Variants in EFL1 observed in about 807,000 individuals in gnomAD.
EFL1 encodes the protein elongation factor like GTPase 1.
EFL1 carries 76 observed loss-of-function variants against 126.7 expected under a neutral mutation model. The ratio of observed to expected loss-of-function variants is 0.60; its 90% confidence interval spans 0.50 to 0.73. The LOEUF (loss-of-function observed/expected upper bound fraction) is 0.73. EFL1 is among the 30% of genes least tolerant of loss of function. The pLI is 0.00. For synonymous variants in EFL1, 410 were observed against 448.4 expected (o/e 0.91, Z 1.08); for missense variants, 1,128 against 1,343.2 (o/e 0.84, Z 2.50).
intron 15 of EFL1, among the ~76,000 whole-genome samples, chr15:82,196,126 G>A (rs954596391): frequency 6.6e-6 from 1 of 152,168 alleles, no homozygotes; most frequent in Non-Finnish European, 1.5e-5. Context: ...GCATAGGGAG[G>A]TCAGAAGAAG....
chr15:82,191,553 T>A (rs552736086), intron 15 of EFL1, among the ~76,000 whole-genome samples: 2 of 151,248 alleles, frequency 1.3e-5, no homozygotes, highest in South Asian at 4.2e-4. Flanking sequence ...CCAAACTCAT[T>A]CATTTCAGTG....
chr15:82,209,316 GACACACAC>G (rs57128885), intron 15 of EFL1, among the ~76,000 whole-genome samples: 43 of 146,340 alleles, frequency 2.9e-4, no homozygotes, highest in African/African-American at 7.1e-4. Context: ...CACAGACACA[GACACACAC>G]ACACACACAC....
intron 4 of EFL1, among the ~76,000 whole-genome samples, chr15:82,250,722 T>C (rs1337844365): frequency 6.6e-6 from 1 of 152,134 alleles, no homozygotes; most frequent in African/African-American, 2.4e-5. Flanking sequence ...CATAAACTTT[T>C]ACTGATACGG....
At chr15:82,161,246 A>G (rs1567045484) in intron 16 of EFL1, among the ~76,000 whole-genome samples, 1 of 152,212 alleles carries the variant, frequency 6.6e-6, no homozygotes, top group Non-Finnish European at 1.5e-5. Context: ...GAATGTGTCC[A>G]GTGCCTCTCA....
chr15:82,188,036 A>C (rs938946483), intron 15 of EFL1, among the ~76,000 whole-genome samples: 1 of 152,148 alleles, frequency 6.6e-6, no homozygotes, highest in Non-Finnish European at 1.5e-5. Context: ...TTTAGTTCCA[A>C]TTGAATTTTT....
At chr15:82,210,146 G>T (rs371846826) in intron 15 of EFL1, among the ~76,000 whole-genome samples, 13 of 152,204 alleles carry the variant, frequency 8.5e-5, no homozygotes, top group Non-Finnish European at 1.5e-5. Context: ...GTCCTGTCAT[G>T]AGTCTGTTAA....
At chr15:82,196,356 T>G (rs1397358500) in intron 15 of EFL1, among the ~76,000 whole-genome samples, 1 of 152,140 alleles carries the variant, frequency 6.6e-6, no homozygotes, top group Non-Finnish European at 1.5e-5. Context: ...AGATTATTTA[T>G]AGGAGAAAGG....
chr15:82,254,281 T>C (rs577088989), intron 3 of EFL1, among the ~76,000 whole-genome samples: 1 of 152,306 alleles, frequency 6.6e-6, no homozygotes, highest in African/African-American at 2.4e-5. Flanking sequence ...CATCTCTCCT[T>C]AGATCCCACT....
Position 82,144,188 on chromosome 15 carries a change from G to A in EFL1, c.2990-5346C>T, listed in dbSNP as rs950216086. On this transcript the variant is annotated intron_variant, in intron 18 of 19. Coordinates refer to ENST00000268206, the MANE Select transcript of EFL1 (RefSeq NM_024580.6). ...GAGCGCTTTGAGCCTAGGAGGTTGA[G>A]GCTGTGGCAGTGAGTCATGTTTGCG... 3.3e-5 allele frequency among the ~76,000 whole-genome samples: 5 copies of A among 151,890 alleles called. No individual in the cohort carries two copies. In the East Asian group the frequency reaches 7.7e-4, roughly 23 times the overall value.
chr15:82,227,642 G>A (rs1595995935), intron 10 of EFL1, 70 bp from the exon 11 acceptor site: 1 of 1,601,270 alleles, frequency 6.2e-7, no homozygotes, highest in Admixed American at 1.7e-5. Context: ...TTCACTGTAT[G>A]CACTAAATAT....
At chr15:82,131,108 T>C (rs570304521) in intron 19 of EFL1, among the ~76,000 whole-genome samples, 2 of 152,322 alleles carry the variant, frequency 1.3e-5, no homozygotes, top group African/African-American at 2.4e-5. Flanking sequence ...TATTCTTTGC[T>C]CCTAGCGCCA....
chr15:82,223,062 T>G (rs1946039563), intron 12 of EFL1, among the ~76,000 whole-genome samples: 1 of 152,164 alleles, frequency 6.6e-6, no homozygotes, highest in African/African-American at 2.4e-5. Flanking sequence ...GGAAAAAATT[T>G]TTTAGGCTTT....
At chr15:82,170,688 A>G (rs2074126665) in intron 15 of EFL1, among the ~76,000 whole-genome samples, 1 of 152,196 alleles carries the variant, frequency 6.6e-6, no homozygotes, top group Non-Finnish European at 1.5e-5. Context: ...GCTATTTTGG[A>G]GTATGACATA....
intron 4 of EFL1, among the ~76,000 whole-genome samples, chr15:82,245,143 T>C (rs1174803350): frequency 3.3e-5 from 5 of 151,814 alleles, no homozygotes; most frequent in Non-Finnish European, 7.3e-5. Context: ...CAGGAAATAC[T>C]ACTTTTTTTT....
At chr15:82,159,800 G>A (rs751261368) in intron 16 of EFL1, 8 of 152,154 alleles carry the variant, frequency 5.3e-5, no homozygotes, top group Non-Finnish European at 1.0e-4. Flanking sequence ...TACTAAAATG[G>A]ATAACGTGAC....
In EFL1 at chr15:82,152,121, T is replaced by C. The variant is rs773227943; in HGVS notation, c.2333A>G (p.Gln778Arg). ...ENSDLIRSME[Q>R]LTSSLNEGEN... ...ACCCTCATTCAAAGAGGATGTCAAC[T>C]GCTCCATAGAACGAATCAAATCACT... The change falls in exon 18 of 20, where the codon CAG becomes CGG. Residue 778 changes from glutamine (Q) to arginine (R), a missense_variant. Around this residue, in one of 6 missense-constraint regions of EFL1, gnomAD observed 561 missense variants for 641.7 expected, o/e 0.87. Coordinates refer to ENST00000268206, the MANE Select transcript of EFL1 (RefSeq NM_024580.6). 1.5e-5 allele frequency: 25 copies of C among 1,614,186 alleles called. No homozygotes were observed. Among genetic ancestry groups the C allele is most frequent in the Non-Finnish European group, 2.1e-5 (25 of 1,180,042 alleles).
chr15:82,172,350 G>A (rs900641322), intron 15 of EFL1, among the ~76,000 whole-genome samples: 1 of 152,114 alleles, frequency 6.6e-6, no homozygotes, highest in Non-Finnish European at 1.5e-5. Flanking sequence ...TTGAGAACAG[G>A]CACAATTGTG....
chr15:82,219,474 T>C (rs1237904262), intron 14 of EFL1, among the ~76,000 whole-genome samples, 178 bp downstream of exon 14: 1 of 152,196 alleles, frequency 6.6e-6, no homozygotes, highest in Non-Finnish European at 1.5e-5. Context: ...ATGCTACTAA[T>C]TGAGACATAT....
intron 4 of EFL1, among the ~76,000 whole-genome samples, chr15:82,246,160 C>T (rs1336745322): frequency 1.3e-5 from 2 of 152,042 alleles, no homozygotes; most frequent in African/African-American, 4.8e-5. Flanking sequence ...TCCACATCTG[C>T]CACCCAGTAC....
Sources: gnomAD v4.1 joint callset for allele counts (sites outside exome capture counted in the v4.1 genomes callset) on GRCh38, gnomAD v4.1.1 for gene constraint, gnomAD v4.1.1 regional missense constraint, MANE v1.5 for transcripts, NCBI Gene and HGNC (gene_info 2026-07-23, HGNC 2026-07-21) for gene names.